KLHL7: variants seen among roughly 807,000 people sequenced by gnomAD.
KLHL7 encodes the protein kelch like family member 7.
Under a neutral mutation model 67.4 loss-of-function variants are expected in KLHL7, and 44 were observed. That is an observed-to-expected ratio of 0.65 (90% CI 0.51 to 0.84). The LOEUF (loss-of-function observed/expected upper bound fraction) is 0.84. Among genes scored for constraint, KLHL7 ranks in the 40% least tolerant of loss-of-function variants. The pLI is 0.00. For synonymous variants in KLHL7, 252 were observed against 243.3 expected (o/e 1.04, Z -0.33); for missense variants, 362 against 718.1 (o/e 0.50, Z 5.67).
rs1380707335 is a variant in KLHL7, at chr7:23,136,943, GA to G, written c.443-3821del. Among the ~76,000 whole-genome samples the G allele has an allele frequency of 3.3e-5, 5 of 152,076 alleles. No homozygotes were observed. In the East Asian group the frequency reaches 9.6e-4, roughly 29 times the overall value. ...TCTTGACTTATGTATCCTACTCAGA[GA>G]AAAATAATTTGTAAACACCTAATAA... On this transcript the variant is annotated intron_variant, in intron 4 of 10. Coordinates refer to ENST00000339077, the MANE Select transcript of KLHL7 (RefSeq NM_001031710.3).
chr7:23,119,805 G>T (rs1783256119), intron 1 of KLHL7, among the ~76,000 whole-genome samples: 1 of 148,084 alleles, frequency 6.8e-6, no homozygotes. Context: ...GTTTCTTTAT[G>T]GCTTATTTCT....
At chr7:23,125,193 G>A in intron 4 of KLHL7, 21 bp downstream of exon 4, 1 of 1,610,832 alleles carries the variant, frequency 6.2e-7, no homozygotes, top group Non-Finnish European at 8.5e-7. Context: ...TCAGATTCCT[G>A]TTGTGTGTTT....
chr7:23,117,436 C>T (rs1344837095), intron 1 of KLHL7, among the ~76,000 whole-genome samples: 1 of 152,080 alleles, frequency 6.6e-6, no homozygotes, highest in African/African-American at 2.4e-5. Flanking sequence ...TGGTCCATAA[C>T]ACCTTCCTTG....
At position 23,106,026 on chromosome 7, in the gene KLHL7, G is replaced by A; in HGVS notation, c.-1G>A. 6.2e-7 allele frequency: 1 copy of A among 1,610,004 alleles called. No individual in the cohort carries two copies. The highest frequency in any genetic ancestry group is 1.1e-5 in the South Asian group (1 of 90,066). On this transcript the variant is annotated 5_prime_UTR_variant, in exon 1 of 11. Coordinates refer to ENST00000339077, the MANE Select transcript of KLHL7 (RefSeq NM_001031710.3). ...CCGGGCGTGAACCGAGCTGAGGGAG[G>A]ATGGCAGCCTCTGGGGTGGAGAAGA...
Position 23,105,874 on chromosome 7 carries a change from C to T in KLHL7, c.-153C>T. The T allele has an allele frequency of 1.7e-6, 2 of 1,203,678 alleles. No homozygotes were observed. Among genetic ancestry groups the T allele is most frequent in the Non-Finnish European group, 2.4e-6 (2 of 849,782 alleles). The allele number at this position is 1,203,678 out of a possible 1,614,324, so 74.6% of individuals were successfully genotyped here. A position where few individuals can be genotyped will look rare whatever the true frequency, so the allele number is the denominator to read the frequency against. On this transcript the variant is annotated 5_prime_UTR_variant, in exon 1 of 11. Transcript: ENST00000339077. ...CCCGGCCTTGTCTTTCGGCAGTGGC[C>T]GAGCCACCGCCGCCTGCCGCGCGTT...
intron 6 of KLHL7, among the ~76,000 whole-genome samples, chr7:23,150,311 A>G (rs1297164417): frequency 6.6e-6 from 1 of 152,152 alleles, no homozygotes; most frequent in East Asian, 1.9e-4. Context: ...GATTAACATT[A>G]TTATCTTGTA....
At chr7:23,128,512 T>C (rs1172169713) in intron 4 of KLHL7, among the ~76,000 whole-genome samples, 2 of 151,258 alleles carry the variant, frequency 1.3e-5, no homozygotes, top group Non-Finnish European at 2.9e-5. Flanking sequence ...AACTAAGATA[T>C]TCCTCCCTCA....
intron 1 of KLHL7, among the ~76,000 whole-genome samples, chr7:23,108,856 T>A (rs1348730277): frequency 6.6e-6 from 1 of 152,274 alleles, no homozygotes; most frequent in East Asian, 1.9e-4. Flanking sequence ...CTGTGCTGTG[T>A]GTAGCGCTAC....
Position 23,174,499 on chromosome 7 carries a change from G to A in KLHL7, c.*201G>A, listed in dbSNP as rs781364081. 3 of 695,284 alleles carry A rather than the reference G, an allele frequency of 4.3e-6. No homozygotes were observed. The highest frequency in any genetic ancestry group is 7.8e-6 in the Non-Finnish European group (3 of 384,330). 43.1% of individuals were successfully genotyped at this position (695,284 alleles called of 1,614,324 possible). A position where few individuals can be genotyped will look rare whatever the true frequency, so the allele number is the denominator to read the frequency against. On this transcript the variant is annotated 3_prime_UTR_variant, in exon 11 of 11. Transcript: ENST00000339077. ...ATATTTTAGCTGGCCACAAAACCAA[G>A]AACATATCTAGCAAGAAAACTTGAA... is the stretch of plus-strand genomic sequence containing the variant.
intron 6 of KLHL7, among the ~76,000 whole-genome samples, chr7:23,147,686 C>T (rs1028465073): frequency 2.6e-5 from 4 of 152,138 alleles, no homozygotes; most frequent in South Asian, 2.1e-4. Flanking sequence ...CTCTTCTCCT[C>T]AATAGAACGG....
At chr7:23,152,893 C>A (rs1250212992) in intron 7 of KLHL7, among the ~76,000 whole-genome samples, 2 of 152,142 alleles carry the variant, frequency 1.3e-5, no homozygotes, top group Non-Finnish European at 2.9e-5. Context: ...ACATGTATTG[C>A]TGGGGAAGAG....
chr7:23,149,060 G>A (rs1021434713), intron 6 of KLHL7, among the ~76,000 whole-genome samples: 4 of 151,918 alleles, frequency 2.6e-5, no homozygotes, highest in South Asian at 2.1e-4. Flanking sequence ...CAGAAAAGAC[G>A]GTTGAAAAAT....
intron 7 of KLHL7, among the ~76,000 whole-genome samples, chr7:23,154,541 A>T (rs897010435): frequency 6.6e-6 from 1 of 152,186 alleles, no homozygotes; most frequent in African/African-American, 2.4e-5. Context: ...TTACCAAGAC[A>T]TATAGGATCC....
intron 1 of KLHL7, 110 bp downstream of exon 1, chr7:23,106,256 G>T: frequency 6.5e-7 from 1 of 1,539,838 alleles, no homozygotes; most frequent in South Asian, 1.2e-5. Flanking sequence ...CTCTTTCTCT[G>T]TCCTCGCCCC....
At chr7:23,171,990 T>C (rs1308492275) in intron 9 of KLHL7, among the ~76,000 whole-genome samples, 1 of 152,176 alleles carries the variant, frequency 6.6e-6, no homozygotes, top group African/African-American at 2.4e-5. Flanking sequence ...ATTACAGGCG[T>C]GAACCACCGC....
At position 23,106,083 on chromosome 7, in the gene KLHL7, T is replaced by G. The variant is rs1562543482; in HGVS notation, c.57T>G (p.Ala19=). ...AGAAGAAGACCGAGAAGAAACTTGC[T>G]GCTCGGGAAGAAGCTAAATTGTTGG... ...SSKKKTEKKL[A]AREEAKLLAG... Residue 19 remains alanine (A), a synonymous_variant, in exon 1 of 11, where the codon GCT becomes GCG. Coordinates refer to ENST00000339077, the MANE Select transcript of KLHL7 (RefSeq NM_001031710.3). 2.5e-6 allele frequency: 4 copies of G among 1,609,070 alleles called. No individual in the cohort carries two copies. The highest frequency in any genetic ancestry group is 1.3e-5 in the African/African-American group (1 of 74,918).
chr7:23,171,227 G>T, intron 9 of KLHL7: 1 of 302,696 alleles, frequency 3.3e-6, no homozygotes. Flanking sequence ...TGCAGATAGC[G>T]GGGACCTAGT....
intron 4 of KLHL7, among the ~76,000 whole-genome samples, chr7:23,136,143 G>T (rs1162505263): frequency 6.6e-6 from 1 of 151,986 alleles, no homozygotes; most frequent in East Asian, 1.9e-4. Context: ...AAAAGAAAGA[G>T]AATCAGAATG....
At chr7:23,154,299 G>A (rs1784630878) in intron 7 of KLHL7, among the ~76,000 whole-genome samples, 1 of 152,170 alleles carries the variant, frequency 6.6e-6, no homozygotes, top group Non-Finnish European at 1.5e-5. Flanking sequence ...AGGTTGCAGT[G>A]AGCTGAGATC....
Sources: allele counts gnomAD v4.1 joint callset (sites outside exome capture counted in the v4.1 genomes callset), GRCh38; gene constraint gnomAD v4.1.1; transcripts MANE v1.5; gene names NCBI Gene and HGNC (gene_info 2026-07-23, HGNC 2026-07-21).